The following PCYT1B variants were observed in gnomAD, a reference collection of about 807,000 sequenced individuals.
PCYT1B encodes choline-phosphate cytidylyltransferase B.
Under a neutral mutation model 26.4 loss-of-function variants are expected in PCYT1B, and 10 were observed. The ratio of observed to expected loss-of-function variants is 0.38; its 90% CI spans 0.23 to 0.64. The LOEUF (loss-of-function observed/expected upper bound fraction) is 0.64. PCYT1B is among the 30% of genes least tolerant of loss of function. The probability of loss-of-function intolerance (pLI) is 0.56; values close to 1 mark genes in which losing one functional copy is unlikely to be tolerated. For missense variants in PCYT1B, 161 were observed against 292.7 expected, an observed-to-expected ratio of 0.55 and a Z score of 3.28; for synonymous variants, 131 against 108.4, an observed-to-expected ratio of 1.21 and a Z score of -1.29.
At chrX:24,612,897 T>C (rs146562496) in intron 2 of PCYT1B, among the ~76,000 whole-genome samples, 326 of 112,630 alleles carry the variant, frequency 2.9e-3, no homozygotes, top group African/African-American at 0.01. Flanking sequence ...TCTTTGATTA[T>C]GGCTATTAAC....
chrX:24,574,476 C>G (rs1923956147), intron 7 of PCYT1B, among the ~76,000 whole-genome samples: 1 of 111,460 alleles, frequency 9.0e-6, no homozygotes, highest in African/African-American at 3.3e-5. Flanking sequence ...TACATTTCCT[C>G]TCAGTTTTAA....
intron 3 of PCYT1B, among the ~76,000 whole-genome samples, chrX:24,592,336 C>T (rs1319722006): frequency 9.0e-6 from 1 of 111,556 alleles, no homozygotes; most frequent in Non-Finnish European, 1.9e-5. Context: ...GACCCACACC[C>T]AGAATCAAAT....
At position 24,578,092 on chromosome X, in the gene PCYT1B, C is replaced by T. The variant is rs1260452748; in HGVS notation, c.708+1224G>A. Reference sequence around the variant, plus strand: ...AGCAAAGACTTGGAACCAACCCAAACGCCCATCAATGATAGACTGGATAAA... The same window carrying T: ...AGCAAAGACTTGGAACCAACCCAAATGCCCATCAATGATAGACTGGATAAA... On this transcript the variant is annotated intron_variant, in intron 6 of 7. Transcript: ENST00000379144. Among the ~76,000 whole-genome samples the T allele has an allele frequency of 1.4e-4, 16 of 111,095 alleles. No homozygotes were observed. The South Asian group carries it at 1.5e-3, about 11-fold the overall frequency.
chrX:24,587,466 G>A, intron 4 of PCYT1B, 147 bp from the exon 5 acceptor site: 1 of 440,620 alleles, frequency 2.3e-6, no homozygotes, highest in Non-Finnish European at 4.1e-6. Context: ...ATCCTTGGCT[G>A]AAATGTATTT....
intron 3 of PCYT1B, among the ~76,000 whole-genome samples, chrX:24,595,724 A>G (rs1924753538): frequency 9.0e-6 from 1 of 110,500 alleles, no homozygotes; most frequent in Admixed American, 9.7e-5. Flanking sequence ...TACTAAAAAC[A>G]TAAAAATTAG....
chrX:24,659,083 T>C (rs1477160628), intron 1 of PCYT1B, among the ~76,000 whole-genome samples: 1 of 111,491 alleles, frequency 9.0e-6, no homozygotes, highest in Non-Finnish European at 1.9e-5. Context: ...CAGAACTGAG[T>C]TTCACATTTA....
chrX:24,622,309 A>G (rs181137060), intron 1 of PCYT1B, among the ~76,000 whole-genome samples: 43 of 111,693 alleles, frequency 3.8e-4, no homozygotes, highest in East Asian at 5.6e-4. Flanking sequence ...ACCTGAGACA[A>G]TGTTTTTTCA....
chrX:24,638,078 T>C (rs1926349971), intron 1 of PCYT1B, among the ~76,000 whole-genome samples: 1 of 86,682 alleles, frequency 1.2e-5, no homozygotes, highest in Non-Finnish European at 2.2e-5. Flanking sequence ...ATTCATGATG[T>C]TTCTATTAAC....
At chrX:24,593,441 C>CTTTCTTTTCTTTTCTTTTCT (rs200527762) in intron 3 of PCYT1B, among the ~76,000 whole-genome samples, 3 of 56,758 alleles carry the variant, frequency 5.3e-5, no homozygotes, top group African/African-American at 7.6e-5. Context: ...TCCTTTCTTT[C>CTTTCTTTTCTTTTCTTTTCT]TTTCTTTTCT....
chrX:24,564,638 C>T (rs984603933), intron 7 of PCYT1B, among the ~76,000 whole-genome samples: 1 of 110,984 alleles, frequency 9.0e-6, no homozygotes, highest in African/African-American at 3.3e-5. Context: ...AGGTGTGAGC[C>T]ACCGCGCCCG....
chrX:24,582,108 G>T (rs1212607608), intron 5 of PCYT1B, among the ~76,000 whole-genome samples: 1 of 112,778 alleles, frequency 8.9e-6, no homozygotes, highest in Admixed American at 9.3e-5. Context: ...GGAGGCTCTG[G>T]TGGGTGGGGG....
intron 7 of PCYT1B, among the ~76,000 whole-genome samples, chrX:24,569,289 A>C (rs1015888510): frequency 2.7e-5 from 3 of 111,032 alleles, no homozygotes; most frequent in Non-Finnish European, 5.7e-5. Context: ...AAAGAAACAG[A>C]AAATAACAAG....
chrX:24,599,250 C>G (rs1288470977), intron 3 of PCYT1B, among the ~76,000 whole-genome samples: 1 of 111,686 alleles, frequency 9.0e-6, no homozygotes, highest in Non-Finnish European at 1.9e-5. Context: ...AGGATCTTAA[C>G]AAATTGTCAC....
intron 1 of PCYT1B, among the ~76,000 whole-genome samples, chrX:24,641,345 T>C (rs773972489): frequency 2.8e-3 from 320 of 112,404 alleles, no homozygotes; most frequent in African/African-American, 9.9e-3. Flanking sequence ...CCCACTGTCC[T>C]TCTATAATTT....
chrX:24,630,043 T>C (rs1479231146), intron 1 of PCYT1B, among the ~76,000 whole-genome samples: 4 of 111,673 alleles, frequency 3.6e-5, no homozygotes. Context: ...ACTCATTAAA[T>C]GCATAGATGC....
chrX:24,659,133 C>T (rs1926982195), intron 1 of PCYT1B, among the ~76,000 whole-genome samples: 1 of 111,647 alleles, frequency 9.0e-6, no homozygotes, highest in African/African-American at 3.3e-5. Context: ...ATGCATGATG[C>T]CTTGGTACCT....
At chrX:24,608,277 G>C (rs752957346) in intron 2 of PCYT1B, among the ~76,000 whole-genome samples, 3 of 111,337 alleles carry the variant, frequency 2.7e-5, no homozygotes, top group Non-Finnish European at 5.7e-5. Flanking sequence ...GTTCTCAAAG[G>C]CAACGATGTA....
intron 2 of PCYT1B, among the ~76,000 whole-genome samples, chrX:24,616,480 C>T (rs1166931722): frequency 9.0e-6 from 1 of 110,923 alleles, no homozygotes; most frequent in Non-Finnish European, 1.9e-5. Context: ...CTCAGGTGAT[C>T]TGCCCGCCTC....
In PCYT1B at chrX:24,559,298, C is replaced by G. The variant is rs1375784341; in HGVS notation, c.*2995G>C. On this transcript the variant is annotated 3_prime_UTR_variant, in exon 8 of 8. Transcript: ENST00000379144. ...TGCCATTGCACTCCAGCCTGAGCAACAAGAGCAAAACTCCATCTCAAAAAA... is the reference window on the plus strand; with the variant it reads ...TGCCATTGCACTCCAGCCTGAGCAAGAAGAGCAAAACTCCATCTCAAAAAA... The G allele has an allele frequency of 2.3e-5, 1 of 42,920 alleles. No individual in the cohort carries two copies. The highest frequency in any genetic ancestry group is 9.9e-5 in the African/African-American group (1 of 10,058). The allele number at this position is 42,920 out of a possible 1,213,427, so 3.5% of individuals were successfully genotyped here.
Sources: allele counts gnomAD v4.1 joint callset (sites outside exome capture counted in the v4.1 genomes callset), GRCh38; gene constraint gnomAD v4.1.1; transcripts MANE v1.5; gene names NCBI Gene and HGNC (gene_info 2026-07-23, HGNC 2026-07-21).